DAAM1: variants seen among roughly 807,000 people sequenced by gnomAD.
The protein encoded by DAAM1 is dishevelled associated activator of morphogenesis 1, also known as disheveled-associated activator of morphogenesis 1.
A neutral mutation model predicts 130.0 loss-of-function variants in DAAM1; 52 were observed. The ratio of observed to expected loss-of-function variants is 0.40; its 90% CI spans 0.32 to 0.50. The LOEUF is 0.50. Among genes scored for constraint, DAAM1 ranks in the 20% least tolerant of loss-of-function variants. The pLI is 0.61. For synonymous variants in DAAM1, 452 were observed against 444.5 expected, an observed-to-expected ratio of 1.02 and a Z score of -0.21; for missense variants, 1,134 against 1,303.8, an observed-to-expected ratio of 0.87 and a Z score of 2.01.
chr14:59,358,703 C>T (rs1173947759), intron 20 of DAAM1, among the ~76,000 whole-genome samples: 2 of 152,032 alleles, frequency 1.3e-5, no homozygotes, highest in Non-Finnish European at 2.9e-5. Flanking sequence ...ATTAGCCGGG[C>T]ATGGTGGCTG....
rs1889420009 is a variant in DAAM1 at position 59,239,765 on chromosome 14, CG to C, written c.-37-23671del. Among the ~76,000 whole-genome samples, 5 of 152,160 alleles carry C rather than the reference CG, an allele frequency of 3.3e-5. No homozygotes were observed. The South Asian group carries it at 1.0e-3, about 32-fold the overall frequency. Reference sequence around the variant, plus strand: ...GGCCATCTTTGAGAAAATGACAGGGCGGGGGCCAGGACGAGGAGTAATGTTA... The same window carrying C: ...GGCCATCTTTGAGAAAATGACAGGGCGGGGCCAGGACGAGGAGTAATGTTA... On this transcript the variant is annotated intron_variant, in intron 1 of 24. Transcript: ENST00000360909.
chr14:59,285,738 T>C (rs573617858), intron 2 of DAAM1, among the ~76,000 whole-genome samples: 1 of 152,226 alleles, frequency 6.6e-6, no homozygotes, highest in South Asian at 2.1e-4. Flanking sequence ...CCTAAATATA[T>C]ACATACCCAA....
intron 1 of DAAM1, among the ~76,000 whole-genome samples, chr14:59,197,891 C>G (rs1049425629): frequency 3.3e-5 from 5 of 152,142 alleles, no homozygotes; most frequent in African/African-American, 7.2e-5. Context: ...CATGTCTTCC[C>G]CCCTTAACCC....
At chr14:59,307,320 C>T (rs771695107) in intron 3 of DAAM1, among the ~76,000 whole-genome samples, 2 of 152,178 alleles carry the variant, frequency 1.3e-5, no homozygotes, top group Admixed American at 6.5e-5. Flanking sequence ...TGTTTGTAAA[C>T]TCTTTCAAAC....
chr14:59,324,031 G>C, intron 6 of DAAM1, 97 bp from the exon 7 acceptor site: 1 of 648,838 alleles, frequency 1.5e-6, no homozygotes. Context: ...GACTCCGTCT[G>C]AAAAAAAAAA....
chr14:59,223,972 G>A (rs1888857888), intron 1 of DAAM1, among the ~76,000 whole-genome samples: 1 of 152,160 alleles, frequency 6.6e-6, no homozygotes, highest in South Asian at 2.1e-4. Flanking sequence ...CAGTGTAATG[G>A]TCCAGTGTGA....
intron 1 of DAAM1, among the ~76,000 whole-genome samples, chr14:59,221,708 C>T (rs980453587): frequency 6.6e-6 from 1 of 152,200 alleles, no homozygotes; most frequent in Non-Finnish European, 1.5e-5. Flanking sequence ...CTGGATGGGT[C>T]ACTCCAGCCA....
intron 2 of DAAM1, among the ~76,000 whole-genome samples, chr14:59,273,268 C>T (rs1375266406): frequency 2.0e-5 from 3 of 152,158 alleles, no homozygotes; most frequent in Non-Finnish European, 2.9e-5. Flanking sequence ...AATGTCCTTT[C>T]CTACAGGCTG....
chr14:59,300,897 C>T (rs1018135521), intron 3 of DAAM1, among the ~76,000 whole-genome samples: 1 of 152,070 alleles, frequency 6.6e-6, no homozygotes, highest in African/African-American at 2.4e-5. Flanking sequence ...GTTTTTCTTA[C>T]TATTTAAAAA....
chr14:59,351,830 G>A (rs753956008), intron 17 of DAAM1, among the ~76,000 whole-genome samples: 5 of 151,740 alleles, frequency 3.3e-5, no homozygotes, highest in Non-Finnish European at 5.9e-5. Flanking sequence ...CATCCAAAAC[G>A]TGTGTACCTT....
intron 23 of DAAM1, among the ~76,000 whole-genome samples, chr14:59,365,694 A>G (rs1046748084): frequency 2.0e-5 from 3 of 152,230 alleles, no homozygotes; most frequent in African/African-American, 7.2e-5. Flanking sequence ...AAAGGCAAGT[A>G]AAGCAATAAA....
At chr14:59,365,080 G>A (rs1333201394) in intron 23 of DAAM1, among the ~76,000 whole-genome samples, 3 of 150,688 alleles carry the variant, frequency 2.0e-5, no homozygotes, top group African/African-American at 7.3e-5. Context: ...TTGTCAGCTT[G>A]TTCATCACAG....
chr14:59,318,533 CT>C (rs1884880120), intron 4 of DAAM1, among the ~76,000 whole-genome samples: 2 of 150,874 alleles, frequency 1.3e-5, no homozygotes, highest in Non-Finnish European at 2.9e-5. Flanking sequence ...AGGCATCTCC[CT>C]TATCTACTAA....
intron 23 of DAAM1, 71 bp from the exon 24 acceptor site, chr14:59,367,358 T>C (rs774438121): frequency 5.6e-5 from 85 of 1,521,814 alleles, no homozygotes; most frequent in Non-Finnish European, 7.2e-5. Flanking sequence ...CTTTGGTCTT[T>C]CTCAAGTTAT....
chr14:59,326,186 C>G, intron 10 of DAAM1, 109 bp downstream of exon 10: 2 of 1,067,952 alleles, frequency 1.9e-6, no homozygotes, highest in Non-Finnish European at 2.8e-6. Context: ...CCAGGGATTC[C>G]AAGCCTTGGT....
chr14:59,368,475 T>A (rs774297920), intron 24 of DAAM1, among the ~76,000 whole-genome samples, 175 bp from the exon 25 acceptor site: 2 of 152,144 alleles, frequency 1.3e-5, no homozygotes, highest in Admixed American at 6.5e-5. Flanking sequence ...CCATTGCTCC[T>A]GCAATGGAGA....
rs1241306976 is a variant in DAAM1, at chr14:59,355,165, C to T, written c.2357C>T (p.Ala786Val). Residue 786 changes from alanine to valine, a missense_variant and splice_region_variant, in exon 20 of 25, where the codon GCA becomes GTA. Around this residue, in one of 3 missense-constraint regions of DAAM1, gnomAD observed 644 missense variants for 695.9 expected, o/e 0.93. Transcript: ENST00000360909. ...TGTTTTTATGTGTTTTGTTTTGAAG[C>T]AATTCGTTCTGGCTCAGAAGAGGTG... ...RVAEVKPKVEAIRSGSEEVFR... is the reference protein window; with the variant it reads ...RVAEVKPKVEVIRSGSEEVFR... 6.2e-7 allele frequency: 1 copy of T among 1,604,788 alleles called. No individual in the cohort carries two copies. Among genetic ancestry groups the T allele is most frequent in the African/African-American group, 1.3e-5 (1 of 74,392 alleles).
At chr14:59,304,321 A>C (rs1350359397) in intron 3 of DAAM1, among the ~76,000 whole-genome samples, 1 of 152,218 alleles carries the variant, frequency 6.6e-6, no homozygotes, top group Non-Finnish European at 1.5e-5. Context: ...GAATCATTCC[A>C]TTCTTTGCGC....
intron 1 of DAAM1, among the ~76,000 whole-genome samples, chr14:59,236,792 T>A (rs915590440): frequency 6.6e-6 from 1 of 152,280 alleles, no homozygotes; most frequent in East Asian, 1.9e-4. Flanking sequence ...GTGTTCAGTG[T>A]ATGTTTGTAG....
Sources: allele counts gnomAD v4.1 joint callset (sites outside exome capture counted in the v4.1 genomes callset), GRCh38; gene constraint gnomAD v4.1.1; regional missense constraint gnomAD v4.1.1; transcripts MANE v1.5; gene names NCBI Gene and HGNC (gene_info 2026-07-23, HGNC 2026-07-21).